ACTN2: variants seen among roughly 807,000 people sequenced by gnomAD.
The protein encoded by ACTN2 is alpha-actinin-2.
A neutral mutation model predicts 113.8 loss-of-function variants in ACTN2; 39 were observed. The observed-to-expected ratio is 0.34, with a 90% confidence interval of 0.27 to 0.45. The LOEUF (loss-of-function observed/expected upper bound fraction) is 0.45. ACTN2 is among the 20% of genes least tolerant of loss of function. The pLI, the probability that ACTN2 is intolerant of heterozygous loss-of-function variation, is 1.00. For synonymous variants in ACTN2, 429 were observed against 444.1 expected, an observed-to-expected ratio of 0.97 and a Z score of 0.43; for missense variants, 992 against 1,177.9, an observed-to-expected ratio of 0.84 and a Z score of 2.31.
intron 1 of ACTN2, among the ~76,000 whole-genome samples, chr1:236,701,234 A>G (rs1028205996): frequency 6.6e-6 from 1 of 152,186 alleles, no homozygotes; most frequent in Non-Finnish European, 1.5e-5. Flanking sequence ...TTAAACTCAT[A>G]TTGACACCCA....
intron 9 of ACTN2, 82 bp from the exon 10 acceptor site, chr1:236,739,220 A>T: frequency 7.4e-7 from 1 of 1,352,246 alleles, no homozygotes; most frequent in Non-Finnish European, 1.1e-6. Flanking sequence ...TTTACAAATT[A>T]TTGGATGCCT....
rs778085872 is a variant in ACTN2 at position 236,744,613 on chromosome 1, A to C, written c.1256-13A>C. 1 of 1,613,950 alleles carries C rather than the reference A, an allele frequency of 6.2e-7. No homozygotes were observed. Among genetic ancestry groups the C allele is most frequent in the Admixed American group, 1.7e-5 (1 of 60,010 alleles). On this transcript the variant is annotated splice_polypyrimidine_tract_variant and intron_variant, in intron 11 of 20. Transcript: ENST00000366578. ...CTCAGCATATTCATACTTTCTTGCTACCACCTTTGCAGGCAAAGAGCAGAT... is the reference window on the plus strand; with the variant it reads ...CTCAGCATATTCATACTTTCTTGCTCCCACCTTTGCAGGCAAAGAGCAGAT...
At chr1:236,700,629 G>A (rs563267491) in intron 1 of ACTN2, among the ~76,000 whole-genome samples, 4 of 152,250 alleles carry the variant, frequency 2.6e-5, no homozygotes, top group East Asian at 3.9e-4. Flanking sequence ...TTACTGCTTC[G>A]AGTGATAAGC....
Position 236,762,833 on chromosome 1 carries a change from T to G in ACTN2, c.*214T>G, listed in dbSNP as rs1659751873. The G allele has an allele frequency of 3.4e-6, 2 of 585,996 alleles. No homozygotes were observed. The highest frequency in any genetic ancestry group is 3.7e-5 in the African/African-American group (2 of 53,522). 36.3% of individuals were successfully genotyped at this position (585,996 alleles called of 1,614,324 possible). A position where few individuals can be genotyped will look rare whatever the true frequency, so the allele number is the denominator to read the frequency against. On this transcript the variant is annotated 3_prime_UTR_variant, in exon 21 of 21. Transcript: ENST00000366578. The stretch of plus-strand genomic sequence containing the variant: ...TAGTGCGCTTCATAAATAGGTTTAT[T>G]TCTGAGTTTTTAGCAAAATGTAATG...
chr1:236,725,618 C>T (rs1338913595), intron 4 of ACTN2, among the ~76,000 whole-genome samples: 1 of 140,134 alleles, frequency 7.1e-6, no homozygotes, highest in Non-Finnish European at 1.5e-5. Flanking sequence ...CAGAGTGAGA[C>T]TGTGCCTCAA....
intron 5 of ACTN2, among the ~76,000 whole-genome samples, chr1:236,726,587 GA>G (rs2102905057): frequency 6.6e-6 from 1 of 152,338 alleles, no homozygotes; most frequent in East Asian, 1.9e-4. Flanking sequence ...TGGTCATTAT[GA>G]TGTTGAAGTA....
At chr1:236,699,546 C>T (rs564002808) in intron 1 of ACTN2, among the ~76,000 whole-genome samples, 1 of 152,118 alleles carries the variant, frequency 6.6e-6, no homozygotes, top group Non-Finnish European at 1.5e-5. Flanking sequence ...GCCCGGATGC[C>T]TGAGACACTG....
At chr1:236,703,311 G>A (rs565423725) in intron 1 of ACTN2, among the ~76,000 whole-genome samples, 33 of 152,158 alleles carry the variant, frequency 2.2e-4, no homozygotes, top group Non-Finnish European at 4.3e-4. Flanking sequence ...CAGCCTGGGG[G>A]AGGCAGGTGT....
At chr1:236,709,339 TAC>T (rs1411904892) in intron 1 of ACTN2, among the ~76,000 whole-genome samples, 6 of 135,692 alleles carry the variant, frequency 4.4e-5, no homozygotes, top group African/African-American at 1.5e-4. Context: ...TGTATATATA[TAC>T]GTGTATATAT....
intron 1 of ACTN2, among the ~76,000 whole-genome samples, chr1:236,716,493 A>G (rs78103717): frequency 0.058 from 8,827 of 152,218 alleles, 317 homozygotes; most frequent in Middle Eastern, 0.12. Flanking sequence ...ATAACTTTAG[A>G]TGTCACTTAA....
chr1:236,705,820 G>T (rs1042321666), intron 1 of ACTN2, among the ~76,000 whole-genome samples: 1 of 152,194 alleles, frequency 6.6e-6, no homozygotes, highest in African/African-American at 2.4e-5. Flanking sequence ...TGGCTTTGTT[G>T]AAAACCCTGA....
At chr1:236,743,483 A>G (rs1659134276) in intron 11 of ACTN2, among the ~76,000 whole-genome samples, 1 of 152,188 alleles carries the variant, frequency 6.6e-6, no homozygotes, top group African/African-American at 2.4e-5. Flanking sequence ...ATCATGTATA[A>G]TCTAACTTTC....
chr1:236,724,320 A>G (rs1470113162), intron 4 of ACTN2, among the ~76,000 whole-genome samples: 1 of 152,192 alleles, frequency 6.6e-6, no homozygotes, highest in Non-Finnish European at 1.5e-5. Flanking sequence ...CCCATCTCCA[A>G]ATACAGGCAC....
chr1:236,696,094 G>A (rs1657492637), intron 1 of ACTN2, among the ~76,000 whole-genome samples: 1 of 152,040 alleles, frequency 6.6e-6, no homozygotes, highest in Non-Finnish European at 1.5e-5. Context: ...ATCACATCAG[G>A]TCAGGAGTTC....
At chr1:236,760,277 T>C (rs1176025785) in intron 19 of ACTN2, among the ~76,000 whole-genome samples, 1 of 152,134 alleles carries the variant, frequency 6.6e-6, no homozygotes, top group African/African-American at 2.4e-5. Context: ...CCAAAGCATT[T>C]ATTTTTATTC....
chr1:236,689,315 A>C (rs985044126), intron 1 of ACTN2, among the ~76,000 whole-genome samples: 449 of 32,552 alleles, frequency 0.014, 8 homozygotes, highest in African/African-American at 0.031. Context: ...ATATATATAT[A>C]TATATATATA....
chr1:236,741,408 T>C (rs914667820), intron 10 of ACTN2, among the ~76,000 whole-genome samples: 13 of 152,196 alleles, frequency 8.5e-5, no homozygotes, highest in Middle Eastern at 3.2e-3. Flanking sequence ...GCTCTGACTT[T>C]TCCCCAAATT....
rs1024152838 is a variant in ACTN2, at chr1:236,718,840, C to T, written c.242-54C>T. ...ATGCTTAGTTTTGGCATCTTGATTCCGCATCAAGAGGTCACTGTCTCTATG... is the reference window on the plus strand; with the variant it reads ...ATGCTTAGTTTTGGCATCTTGATTCTGCATCAAGAGGTCACTGTCTCTATG... On this transcript the variant is annotated intron_variant, in intron 2 of 20. Coordinates refer to ENST00000366578, the MANE Select transcript of ACTN2 (RefSeq NM_001103.4). 6.9e-5 allele frequency: 111 copies of T among 1,612,410 alleles called. No individual in the cohort carries two copies. In the African/African-American group the frequency reaches 8.5e-4, roughly 12 times the overall value.
chr1:236,698,111 G>A (rs966564065), intron 1 of ACTN2, among the ~76,000 whole-genome samples: 1 of 151,744 alleles, frequency 6.6e-6, no homozygotes, highest in East Asian at 1.9e-4. Context: ...AAAAAACTAT[G>A]AATTTACTTA....
Sources: allele counts gnomAD v4.1 joint callset (sites outside exome capture counted in the v4.1 genomes callset), GRCh38; gene constraint gnomAD v4.1.1; transcripts MANE v1.5; gene names NCBI Gene and HGNC (gene_info 2026-07-23, HGNC 2026-07-21).